The following KCNQ1 variants were observed in gnomAD, a reference collection of about 807,000 sequenced individuals.
KCNQ1 encodes potassium voltage-gated channel subfamily KQT member 1.
A neutral mutation model predicts 72.4 loss-of-function variants in KCNQ1; 49 were observed. The observed-to-expected ratio is 0.68, with a 90% CI of 0.54 to 0.86. The LOEUF (loss-of-function observed/expected upper bound fraction) is 0.86, where lower values mean the gene tolerates loss of function less well. Among genes scored for constraint, KCNQ1 ranks in the 40% least tolerant of loss-of-function variants. The pLI is 0.00. For synonymous variants in KCNQ1, 450 were observed against 412.6 expected (o/e 1.09, Z -1.10); for missense variants, 790 against 945.1 (o/e 0.84, Z 2.15).
At position 2,529,567 on chromosome 11, in the gene KCNQ1, T is replaced by C. The variant is rs74485486; in HGVS notation, c.477+1549T>C. 2.4e-3 allele frequency among the ~76,000 whole-genome samples: 363 copies of C among 152,320 alleles called. 1 individual carries two copies. Among genetic ancestry groups the C allele is most frequent in the African/African-American group, 8.4e-3 (348 of 41,574 alleles). ...ATAATATTGAGAGAATAAGTTGTTATTGTTGCCATCACATAGGGAGTTTCT... is the reference window on the plus strand; with the variant it reads ...ATAATATTGAGAGAATAAGTTGTTACTGTTGCCATCACATAGGGAGTTTCT... On this transcript the variant is annotated intron_variant, in intron 2 of 15. Coordinates refer to ENST00000155840, the MANE Select transcript of KCNQ1 (RefSeq NM_000218.3).
Position 2,450,835 on chromosome 11 carries a change from G to C in KCNQ1, c.386+5351G>C, listed in dbSNP as rs1359966755. 6.6e-6 allele frequency among the ~76,000 whole-genome samples: 1 copy of C among 152,196 alleles called. No homozygotes were observed. The highest frequency in any genetic ancestry group is 6.5e-5 in the Admixed American group (1 of 15,280). On this transcript the variant is annotated intron_variant, in intron 1 of 15. Coordinates refer to ENST00000155840, the MANE Select transcript of KCNQ1 (RefSeq NM_000218.3). The surrounding 1 kb of genome is among the most constrained non-coding windows in gnomAD (Gnocchi z 7.9). Reference sequence around the variant, plus strand: ...GGGGCCGCTTTTACACGAGGCATCTGACCATGTGATAGGGTGTGGCTTCTG... The same window carrying C: ...GGGGCCGCTTTTACACGAGGCATCTCACCATGTGATAGGGTGTGGCTTCTG...
chr11:2,574,773 A>G (rs1047696395), intron 6 of KCNQ1, among the ~76,000 whole-genome samples: 4 of 152,142 alleles, frequency 2.6e-5, no homozygotes, highest in Non-Finnish European at 4.4e-5. Flanking sequence ...AAGTGCTGCA[A>G]TGCTCAGGGA....
rs929606734 is a variant in KCNQ1 at position 2,478,711 on chromosome 11, C to T, written c.386+33227C>T. 1.3e-5 allele frequency among the ~76,000 whole-genome samples: 2 copies of T among 152,078 alleles called. No homozygotes were observed. Among genetic ancestry groups the T allele is most frequent in the African/African-American group, 2.4e-5 (1 of 41,408 alleles). Reference sequence around the variant, plus strand: ...CAAACCATATCATTCCACCCCGGCCCCTCCCTAATCTCATGTCCTCACATT... The same window carrying T: ...CAAACCATATCATTCCACCCCGGCCTCTCCCTAATCTCATGTCCTCACATT... On this transcript the variant is annotated intron_variant, in intron 1 of 15. Transcript: ENST00000155840. This position sits in a 1 kb window ranked among gnomAD's most constrained non-coding sequence, Gnocchi z 4.0.
chr11:2,845,415 G>A (rs950357129), intron 15 of KCNQ1, among the ~76,000 whole-genome samples: 1 of 152,188 alleles, frequency 6.6e-6, no homozygotes, highest in African/African-American at 2.4e-5. Context: ...GGGCCTCTGT[G>A]GCTCGTCCCC....
At position 2,475,736 on chromosome 11, in the gene KCNQ1, C is replaced by T. The variant is rs189630926; in HGVS notation, c.386+30252C>T. Among the ~76,000 whole-genome samples the T allele has an allele frequency of 4.4e-4, 67 of 152,230 alleles. No homozygotes were observed. The East Asian group carries it at 5.2e-3, about 12-fold the overall frequency. ...GTGGGGGGTAATTGAATCACGGGGA[C>T]GAGTCTTTCCTGTGCTGTTCTCGTA... is the stretch of plus-strand genomic sequence containing the variant. On this transcript the variant is annotated intron_variant, in intron 1 of 15. Coordinates refer to ENST00000155840, the MANE Select transcript of KCNQ1 (RefSeq NM_000218.3). The surrounding 1 kb of genome is among the most constrained non-coding windows in gnomAD (Gnocchi z 5.8).
chr11:2,527,098 G>T (rs1399506454), intron 1 of KCNQ1, among the ~76,000 whole-genome samples: 2 of 152,200 alleles, frequency 1.3e-5, no homozygotes, highest in African/African-American at 4.8e-5. Flanking sequence ...CCGGCGATCA[G>T]AGAAGGCGGC....
rs535010822 is a variant in KCNQ1 at position 2,735,030 on chromosome 11, C to T, written c.1515-33814C>T. On this transcript the variant is annotated intron_variant, in intron 11 of 15. Coordinates refer to ENST00000155840, the MANE Select transcript of KCNQ1 (RefSeq NM_000218.3). This position sits in a 1 kb window ranked among gnomAD's most constrained non-coding sequence, Gnocchi z 7.7. Reference sequence around the variant, plus strand: ...TGGGGTAAGCGCCTCGGAGGGCACACTAACAAGAGGCACATGTGCCAGGGA... The same window carrying T: ...TGGGGTAAGCGCCTCGGAGGGCACATTAACAAGAGGCACATGTGCCAGGGA... 4.6e-5 allele frequency among the ~76,000 whole-genome samples: 7 copies of T among 152,238 alleles called. No homozygotes were observed. The highest frequency in any genetic ancestry group is 1.7e-4 in the African/African-American group (7 of 41,556).
Position 2,695,663 on chromosome 11 carries a change from G to A in KCNQ1, c.1514+33582G>A, listed in dbSNP as rs1850662905. 2.5e-6 allele frequency: 1 copy of A among 398,480 alleles called. No individual in the cohort carries two copies. Among genetic ancestry groups the A allele is most frequent in the Non-Finnish European group, 4.4e-6 (1 of 226,080 alleles). The allele number at this position is 398,480 out of a possible 1,614,324, so 24.7% of individuals were successfully genotyped here. ...GCCACAGGTATAAAATATTTTATTTGAGGAAGAAGTGTTGGCCAGCTCTTC... is the reference window on the plus strand; with the variant it reads ...GCCACAGGTATAAAATATTTTATTTAAGGAAGAAGTGTTGGCCAGCTCTTC... On this transcript the variant is annotated intron_variant, in intron 11 of 15. Coordinates refer to ENST00000155840, the MANE Select transcript of KCNQ1 (RefSeq NM_000218.3). This position sits in a 1 kb window ranked among gnomAD's most constrained non-coding sequence, Gnocchi z 5.2.
In KCNQ1 at chr11:2,645,173, G is replaced by A. The variant is rs902349427; in HGVS notation, c.1394-16788G>A. Reference sequence around the variant, plus strand: ...TCTGCCTCCCAAGGTGTCCATGCTGGTATTGGGATGGCTGGGATAAGCTGG... The same window carrying A: ...TCTGCCTCCCAAGGTGTCCATGCTGATATTGGGATGGCTGGGATAAGCTGG... On this transcript the variant is annotated intron_variant, in intron 10 of 15. Transcript: ENST00000155840. The surrounding 1 kb of genome is among the most constrained non-coding windows in gnomAD (Gnocchi z 5.8). 1.3e-5 allele frequency: 5 copies of A among 398,548 alleles called. No homozygotes were observed. The highest frequency in any genetic ancestry group is 2.2e-5 in the Non-Finnish European group (5 of 226,116). The allele number at this position is 398,548 out of a possible 1,614,324, so 24.7% of individuals were successfully genotyped here.
chr11:2,776,571 C>A (rs56021860), intron 13 of KCNQ1, among the ~76,000 whole-genome samples: 1 of 152,188 alleles, frequency 6.6e-6, no homozygotes, highest in South Asian at 2.1e-4. Context: ...GCACCATCCT[C>A]CCGGGCCTGC....
chr11:2,545,231 G>T (rs1243488572), intron 2 of KCNQ1, among the ~76,000 whole-genome samples: 3 of 152,200 alleles, frequency 2.0e-5, no homozygotes, highest in South Asian at 2.1e-4. Flanking sequence ...GAGGGATATT[G>T]TCTATATATT....
chr11:2,738,096 G>A (rs1845988962), intron 11 of KCNQ1, among the ~76,000 whole-genome samples: 1 of 152,160 alleles, frequency 6.6e-6, no homozygotes, highest in Admixed American at 6.5e-5. Context: ...TGGGCCTGTG[G>A]TCAGGGCAGG....
chr11:2,769,301 C>G lies in KCNQ1; in HGVS notation c.1590+382C>G, dbSNP rs969937109. 2.6e-5 allele frequency among the ~76,000 whole-genome samples: 4 copies of G among 152,170 alleles called. No individual in the cohort carries two copies. The highest frequency in any genetic ancestry group is 9.7e-5 in the African/African-American group (4 of 41,436). The stretch of plus-strand genomic sequence containing the variant: ...ATGGTGCGGAGCCTGCCCTGAGTCA[C>G]CAAGCTGGGAAGGCAGGTCCCCCAG... On this transcript the variant is annotated intron_variant, in intron 12 of 15. Transcript: ENST00000155840. The surrounding 1 kb of genome is among the most constrained non-coding windows in gnomAD (Gnocchi z 4.6).
rs1845740116 is a variant in KCNQ1 at position 2,725,310 on chromosome 11, T to G, written c.1515-43534T>G. Among the ~76,000 whole-genome samples the G allele has an allele frequency of 6.6e-6, 1 of 152,236 alleles. No individual in the cohort carries two copies. The highest frequency in any genetic ancestry group is 1.5e-5 in the Non-Finnish European group (1 of 68,042). On this transcript the variant is annotated intron_variant, in intron 11 of 15. Coordinates refer to ENST00000155840, the MANE Select transcript of KCNQ1 (RefSeq NM_000218.3). This position sits in a 1 kb window ranked among gnomAD's most constrained non-coding sequence, Gnocchi z 7.2. ...GGGGCTCAGCCACGGGACCAGCGCT[T>G]GCCAGAAATGTTCCCAGCTTTTTTG...
At chr11:2,733,086 C>T (rs963407533) in intron 11 of KCNQ1, among the ~76,000 whole-genome samples, 2 of 152,156 alleles carry the variant, frequency 1.3e-5, no homozygotes, top group East Asian at 1.9e-4. Context: ...CTCAGTTTCC[C>T]CCTCTGTAAA....
rs182967998 is a variant in KCNQ1, at chr11:2,772,135, C to G, written c.1590+3216C>G. On this transcript the variant is annotated intron_variant, in intron 12 of 15. Transcript: ENST00000155840. This position sits in a 1 kb window ranked among gnomAD's most constrained non-coding sequence, Gnocchi z 6.6. ...GGCCAGGGTGAGGGGAGCAGTAGCC[C>G]GTGGCAGTGAGGAGCTGTGTGTGGC... Among the ~76,000 whole-genome samples the G allele has an allele frequency of 2.1e-4, 32 of 152,206 alleles. No individual in the cohort carries two copies. Among genetic ancestry groups the G allele is most frequent in the African/African-American group, 7.7e-4 (32 of 41,534 alleles).
chr11:2,479,929 C>T lies in KCNQ1; in HGVS notation c.386+34445C>T, dbSNP rs34847331. Among the ~76,000 whole-genome samples the T allele has an allele frequency of 0.42, 63,493 of 152,034 alleles. 15,945 individuals are homozygous for T. Among genetic ancestry groups the T allele is most frequent in the Non-Finnish European group, 0.58 (39,447 of 67,950 alleles). ...ATTTCTTCCACCAAATACCCTAAATCATCTCCCTCAAGTTCAAAGTTCCAC... is the reference window on the plus strand; with the variant it reads ...ATTTCTTCCACCAAATACCCTAAATTATCTCCCTCAAGTTCAAAGTTCCAC... On this transcript the variant is annotated intron_variant, in intron 1 of 15. Transcript: ENST00000155840. The surrounding 1 kb of genome is among the most constrained non-coding windows in gnomAD (Gnocchi z 4.6).
rs2133868800 is a variant in KCNQ1, at chr11:2,671,439, G to T, written c.1514+9358G>T. Reference sequence around the variant, plus strand: ...TGCACCCAGAGATTCTCCCACTTTAGCAGGCAGAAGAGCAACCCAGCAGGG... The same window carrying T: ...TGCACCCAGAGATTCTCCCACTTTATCAGGCAGAAGAGCAACCCAGCAGGG... On this transcript the variant is annotated intron_variant, in intron 11 of 15. Coordinates refer to ENST00000155840, the MANE Select transcript of KCNQ1 (RefSeq NM_000218.3). The surrounding 1 kb of genome is among the most constrained non-coding windows in gnomAD (Gnocchi z 4.7). 2 of 398,614 alleles carry T rather than the reference G, an allele frequency of 5.0e-6. No homozygotes were observed. Among genetic ancestry groups the T allele is most frequent in the African/African-American group, 4.1e-5 (2 of 48,748 alleles). 24.7% of individuals were successfully genotyped at this position (398,614 alleles called of 1,614,324 possible).
chr11:2,619,138 T>C (rs574636130), intron 10 of KCNQ1: 26 of 398,416 alleles, frequency 6.5e-5, no homozygotes, highest in Non-Finnish European at 1.2e-4. Flanking sequence ...TAATATTACT[T>C]CTTACTTCCT....
Sources: gnomAD v4.1 joint callset for allele counts (sites outside exome capture counted in the v4.1 genomes callset) on GRCh38, gnomAD v4.1.1 for gene constraint, Gnocchi (gnomAD v3.1) non-coding constraint, MANE v1.5 for transcripts, NCBI Gene and HGNC (gene_info 2026-07-23, HGNC 2026-07-21) for gene names.